The following SLC2A12 variants were observed in gnomAD, a reference collection of about 807,000 sequenced individuals.
The protein encoded by SLC2A12 is solute carrier family 2, facilitated glucose transporter member 12.
SLC2A12 carries 23 observed loss-of-function variants against 41.8 expected under a neutral mutation model. The observed-to-expected ratio is 0.55, with a 90% confidence interval of 0.40 to 0.78. SLC2A12 has a LOEUF of 0.78. SLC2A12 is among the 30% of genes least tolerant of loss of function. SLC2A12 has a pLI of 0.00. For missense variants in SLC2A12, 654 were observed against 745.6 expected (o/e 0.88, Z 1.43); for synonymous variants, 295 against 285.9 (o/e 1.03, Z -0.32).
At chr6:134,047,488 G>A (rs1162576883) in intron 1 of SLC2A12, among the ~76,000 whole-genome samples, 1 of 152,174 alleles carries the variant, frequency 6.6e-6, no homozygotes, top group African/African-American at 2.4e-5. Context: ...TCAAGTTGGT[G>A]GATTCATCTT....
At chr6:133,995,706 T>C (rs1776679184) in intron 4 of SLC2A12, among the ~76,000 whole-genome samples, 1 of 152,184 alleles carries the variant, frequency 6.6e-6, no homozygotes, top group African/African-American at 2.4e-5. Flanking sequence ...ATGGCACACT[T>C]TAAAGTGTAA....
chr6:134,037,137 C>T (rs1212428563), intron 1 of SLC2A12, among the ~76,000 whole-genome samples: 2 of 146,074 alleles, frequency 1.4e-5, no homozygotes, highest in African/African-American at 5.1e-5. Flanking sequence ...CAGGGAAACT[C>T]GATTCAATTT....
At chr6:134,018,759 T>C (rs990862937) in intron 2 of SLC2A12, among the ~76,000 whole-genome samples, 1 of 151,986 alleles carries the variant, frequency 6.6e-6, no homozygotes, top group Non-Finnish European at 1.5e-5. Flanking sequence ...GTTCATTTTT[T>C]TTTTCTTTTC....
chr6:134,043,883 T>TTCCATGGTACTTAGTTC (rs1379377662), intron 1 of SLC2A12, among the ~76,000 whole-genome samples: 1 of 152,084 alleles, frequency 6.6e-6, no homozygotes, highest in African/African-American at 2.4e-5. Flanking sequence ...TGGTACTTAG[T>TTCCATGGTACTTAGTTC]TCACAAAAGT....
intron 1 of SLC2A12, among the ~76,000 whole-genome samples, chr6:134,044,713 T>TTA (rs1777432129): frequency 9.9e-6 from 1 of 100,526 alleles, no homozygotes; most frequent in Non-Finnish European, 1.9e-5. Context: ...AAACTCCGTC[T>TTA]AAAAAAAAAA....
At chr6:134,013,078 T>C (rs1442902712) in intron 2 of SLC2A12, among the ~76,000 whole-genome samples, 1 of 152,166 alleles carries the variant, frequency 6.6e-6, no homozygotes, top group Non-Finnish European at 1.5e-5. Flanking sequence ...CTGTACTGCA[T>C]TTTTAAGCTG....
chr6:134,010,858 G>A (rs181695068), intron 2 of SLC2A12, among the ~76,000 whole-genome samples: 1 of 152,294 alleles, frequency 6.6e-6, no homozygotes, highest in East Asian at 1.9e-4. Context: ...TGGCAGCCCT[G>A]ACACTTGTGT....
intron 1 of SLC2A12, among the ~76,000 whole-genome samples, chr6:134,032,478 A>G (rs1390753505): frequency 3.1e-5 from 2 of 63,772 alleles, no homozygotes; most frequent in African/African-American, 1.0e-4. Context: ...TTATATATAT[A>G]TATATATATT....
At chr6:134,034,595 A>G (rs1397549819) in intron 1 of SLC2A12, among the ~76,000 whole-genome samples, 4 of 152,228 alleles carry the variant, frequency 2.6e-5, no homozygotes, top group Non-Finnish European at 5.9e-5. Context: ...GCAAGATGCT[A>G]TCCTATGGAT....
intron 2 of SLC2A12, among the ~76,000 whole-genome samples, chr6:134,011,887 C>CA (rs1303527844): frequency 3.3e-5 from 5 of 151,844 alleles, no homozygotes; most frequent in Non-Finnish European, 4.4e-5. Flanking sequence ...ACTAAAAATA[C>CA]AAAAAATTAG....
intron 3 of SLC2A12, among the ~76,000 whole-genome samples, chr6:134,006,193 C>CAAAAAAAAAAAAAAAAAAAAAAAAAAAAA: frequency 8.2e-6 from 1 of 121,614 alleles, no homozygotes; most frequent in Admixed American, 9.1e-5. Flanking sequence ...AAAAAAAAAA[C>CAAAAAAAAAAAAAAAAAAAAAAAAAAAAA]AAAAAAAAAA....
intron 1 of SLC2A12, among the ~76,000 whole-genome samples, chr6:134,049,429 T>C (rs1238192566): frequency 6.6e-6 from 1 of 152,224 alleles, no homozygotes; most frequent in Non-Finnish European, 1.5e-5. Context: ...GAAGTCAGTA[T>C]TGAATCTCCT....
chr6:133,990,114 TAGAAA>T lies in SLC2A12; in HGVS notation c.*1036_*1040del, dbSNP rs562056766. On this transcript the variant is annotated 3_prime_UTR_variant, in exon 5 of 5. Coordinates refer to ENST00000275230, the MANE Select transcript of SLC2A12 (RefSeq NM_145176.3). ...ACGTTGCTGGTACAGGTGGCCATCA[TAGAAA>T]AGAACATGAGGGAATTGTCCTGATG... 3.9e-5 allele frequency: 6 copies of T among 152,808 alleles called. No homozygotes were observed. In the South Asian group the frequency reaches 1.2e-3, roughly 32 times the overall value. 9.5% of individuals were successfully genotyped at this position (152,808 alleles called of 1,614,324 possible).
chr6:134,020,756 C>T (rs1404111157), intron 2 of SLC2A12, among the ~76,000 whole-genome samples: 1 of 152,154 alleles, frequency 6.6e-6, no homozygotes, highest in African/African-American at 2.4e-5. Flanking sequence ...GTGTGATTAC[C>T]CAGGCCAGTC....
intron 1 of SLC2A12, among the ~76,000 whole-genome samples, chr6:134,046,712 G>A (rs1232174218): frequency 5.9e-5 from 9 of 152,134 alleles, no homozygotes; most frequent in Non-Finnish European, 8.8e-5. Flanking sequence ...TTGGGTGGCT[G>A]AGGCACGAAA....
intron 2 of SLC2A12, among the ~76,000 whole-genome samples, chr6:134,016,575 A>T (rs1370800157): frequency 6.6e-6 from 1 of 151,952 alleles, no homozygotes; most frequent in Non-Finnish European, 1.5e-5. Context: ...AAACTGTGAC[A>T]GGTTAACTTG....
intron 2 of SLC2A12, among the ~76,000 whole-genome samples, chr6:134,011,516 A>G (rs1776883934): frequency 6.6e-6 from 1 of 152,124 alleles, no homozygotes; most frequent in African/African-American, 2.4e-5. Context: ...TCAGCTACCC[A>G]GGAGGCTGAG....
In SLC2A12 at chr6:134,003,635, T is replaced by C. The variant is rs562834279; in HGVS notation, c.1568-1506A>G. On this transcript the variant is annotated intron_variant, in intron 3 of 4. Coordinates refer to ENST00000275230, the MANE Select transcript of SLC2A12 (RefSeq NM_145176.3). ...ATATTTGAATGCACCTCAGCCCTCC[T>C]CTGAGAATCCCCTTGTCCAAGTCAA... Among the ~76,000 whole-genome samples, 146 of 152,284 alleles carry C rather than the reference T, an allele frequency of 9.6e-4. 2 individuals are homozygous for C. The South Asian group carries it at 0.013, about 14-fold the overall frequency.
intron 2 of SLC2A12, among the ~76,000 whole-genome samples, chr6:134,014,165 A>T (rs1776925453): frequency 6.6e-6 from 1 of 152,212 alleles, no homozygotes; most frequent in Non-Finnish European, 1.5e-5. Flanking sequence ...TGATTCAAGT[A>T]CGTGACGTTT....
Sources: allele counts gnomAD v4.1 joint callset (sites outside exome capture counted in the v4.1 genomes callset), GRCh38; gene constraint gnomAD v4.1.1; transcripts MANE v1.5; gene names NCBI Gene and HGNC (gene_info 2026-07-23, HGNC 2026-07-21).